ARFGEF2: variants seen among roughly 807,000 people sequenced by gnomAD.
The protein encoded by ARFGEF2 is ARF guanine nucleotide exchange factor 2, also known as brefeldin A-inhibited guanine nucleotide-exchange protein 2.
ARFGEF2 carries 74 observed loss-of-function variants against 219.9 expected under a neutral mutation model. The ratio of observed to expected loss-of-function variants is 0.34; its 90% confidence interval spans 0.28 to 0.41. The LOEUF is 0.41. Ranked by LOEUF, ARFGEF2 falls within the 10% of genes least tolerant of loss-of-function variation. The pLI, the probability that ARFGEF2 is intolerant of heterozygous loss-of-function variation, is 1.00. For synonymous variants in ARFGEF2, 733 were observed against 799.2 expected, an observed-to-expected ratio of 0.92 and a Z score of 1.40; for missense variants, 1,743 against 2,218.3, an observed-to-expected ratio of 0.79 and a Z score of 4.30.
intron 6 of ARFGEF2, among the ~76,000 whole-genome samples, chr20:48,959,122 G>A (rs905516639): frequency 6.6e-6 from 1 of 152,176 alleles, no homozygotes; most frequent in Non-Finnish European, 1.5e-5. Context: ...CATATGTACA[G>A]GCAGAGGTAC....
At chr20:48,969,113 A>T (rs773244590) in intron 8 of ARFGEF2, 34 bp from the exon 9 acceptor site, 58 of 1,606,080 alleles carry the variant, frequency 3.6e-5, no homozygotes, top group Non-Finnish European at 4.9e-5. Context: ...GGTGGGTGCC[A>T]CCACACCCAG....
chr20:48,993,320 T>C (rs1005452043), intron 21 of ARFGEF2, among the ~76,000 whole-genome samples: 3 of 152,210 alleles, frequency 2.0e-5, no homozygotes, highest in Non-Finnish European at 2.9e-5. Context: ...CCTTTCAGTA[T>C]TGGTGACGTA....
intron 26 of ARFGEF2, among the ~76,000 whole-genome samples, chr20:49,007,765 A>G (rs567952118): frequency 6.6e-6 from 1 of 152,180 alleles, no homozygotes; most frequent in East Asian, 1.9e-4. Flanking sequence ...ACCAAAATTA[A>G]ACCCAGAGTC....
chr20:48,953,471 C>T lies in ARFGEF2; in HGVS notation c.604-85C>T, dbSNP rs948796622. Reference sequence around the variant, plus strand: ...AATTATAGGCGTTAACCACCGCGCCCAGCCCAGGAAATTTTTTAAGTAATA... The same window carrying T: ...AATTATAGGCGTTAACCACCGCGCCTAGCCCAGGAAATTTTTTAAGTAATA... On this transcript the variant is annotated intron_variant, in intron 5 of 38. Transcript: ENST00000371917. 15 of 1,315,642 alleles carry T rather than the reference C, an allele frequency of 1.1e-5. No homozygotes were observed. The African/African-American group carries it at 1.7e-4, about 15-fold the overall frequency. 81.5% of individuals were successfully genotyped at this position (1,315,642 alleles called of 1,614,324 possible).
Position 49,035,863 on chromosome 20 carries a change from C to T in ARFGEF2, c.*2664C>T. On this transcript the variant is annotated 3_prime_UTR_variant, in exon 39 of 39. Coordinates refer to ENST00000371917, the MANE Select transcript of ARFGEF2 (RefSeq NM_006420.3). ...ATGGGTAATTTTTATTTCTGATACG[C>T]ATCTTTAGAGTCAAATATATCTTTT... The T allele has an allele frequency of 3.7e-6, 1 of 270,534 alleles. No individual in the cohort carries two copies. The highest frequency in any genetic ancestry group is 6.8e-6 in the Non-Finnish European group (1 of 146,216). 16.8% of individuals were successfully genotyped at this position (270,534 alleles called of 1,614,324 possible). A position where few individuals can be genotyped will look rare whatever the true frequency, so the allele number is the denominator to read the frequency against.
chr20:49,021,699 A>G (rs1014630711), intron 34 of ARFGEF2, among the ~76,000 whole-genome samples: 13 of 151,272 alleles, frequency 8.6e-5, no homozygotes, highest in African/African-American at 2.9e-4. Flanking sequence ...TACAAAAAAA[A>G]TTAGCCGGGC....
intron 3 of ARFGEF2, 57 bp downstream of exon 3, chr20:48,942,044 C>T: frequency 2.5e-6 from 4 of 1,609,662 alleles, no homozygotes; most frequent in Admixed American, 1.7e-5. Flanking sequence ...ACAGTTGGTC[C>T]TTACACAGAA....
chr20:48,935,823 G>A (rs1244606375), intron 1 of ARFGEF2, among the ~76,000 whole-genome samples: 1 of 138,744 alleles, frequency 7.2e-6, no homozygotes, highest in Admixed American at 7.0e-5. Flanking sequence ...GCGGGGGGCT[G>A]ACCCCCCAAC....
intron 21 of ARFGEF2, 83 bp from the exon 22 acceptor site, chr20:48,994,368 T>A: frequency 6.3e-7 from 1 of 1,579,906 alleles, no homozygotes; most frequent in Non-Finnish European, 8.6e-7. Flanking sequence ...ACCAACTTTT[T>A]TTTAATGACT....
rs978883658 is a variant in ARFGEF2, at chr20:48,972,323, T to C, written c.1426-3T>C. ...TGTCCTCCTTTGTCTTTATGTCATATAGGTCTTTTTCAAAGAGATTTTCCT... is the reference window on the plus strand; with the variant it reads ...TGTCCTCCTTTGTCTTTATGTCATACAGGTCTTTTTCAAAGAGATTTTCCT... On this transcript the variant is annotated splice_polypyrimidine_tract_variant and splice_region_variant and intron_variant, in intron 10 of 38. Transcript: ENST00000371917. 2.5e-6 allele frequency: 4 copies of C among 1,603,664 alleles called. No homozygotes were observed. The highest frequency in any genetic ancestry group is 1.1e-5 in the South Asian group (1 of 90,888).
intron 36 of ARFGEF2, among the ~76,000 whole-genome samples, chr20:49,025,899 T>G (rs934994785): frequency 2.3e-4 from 35 of 151,848 alleles, no homozygotes; most frequent in Admixed American, 2.0e-3. Flanking sequence ...GGAGAATCGC[T>G]TGTACCCGGA....
chr20:48,937,432 T>TC (rs1271457382), intron 1 of ARFGEF2, among the ~76,000 whole-genome samples: 7 of 152,148 alleles, frequency 4.6e-5, no homozygotes, highest in Admixed American at 3.3e-4. Flanking sequence ...TTAGATGGAC[T>TC]CCAAGTCTTT....
intron 33 of ARFGEF2, among the ~76,000 whole-genome samples, chr20:49,018,551 A>T (rs1208230164): frequency 1.3e-5 from 2 of 152,180 alleles, no homozygotes; most frequent in Non-Finnish European, 2.9e-5. Context: ...TCAACTTTTT[A>T]AAAAACTAGT....
chr20:49,025,279 C>T, intron 35 of ARFGEF2, 34 bp from the exon 36 acceptor site: 1 of 1,588,998 alleles, frequency 6.3e-7, no homozygotes, highest in Non-Finnish European at 8.6e-7. Flanking sequence ...CCATCTTCTT[C>T]ATTAGCTCTT....
At chr20:48,938,184 A>T (rs2090971620) in intron 1 of ARFGEF2, among the ~76,000 whole-genome samples, 1 of 152,168 alleles carries the variant, frequency 6.6e-6, no homozygotes. Context: ...CTTGAACTTC[A>T]GTCCTCTGGC....
At chr20:48,999,262 T>C (rs745308536) in intron 25 of ARFGEF2, 15 of 453,114 alleles carry the variant, frequency 3.3e-5, no homozygotes, top group Non-Finnish European at 6.6e-5. Flanking sequence ...ATAATTGTTT[T>C]TAAATCAGTA....
chr20:49,015,451 A>G (rs749273884), intron 30 of ARFGEF2, among the ~76,000 whole-genome samples: 1 of 152,192 alleles, frequency 6.6e-6, no homozygotes, highest in Non-Finnish European at 1.5e-5. Context: ...GCTACAAAAT[A>G]GTCTTAGTTG....
chr20:48,975,946 C>T (rs1224770211), intron 13 of ARFGEF2, 70 bp from the exon 14 acceptor site: 2 of 1,513,508 alleles, frequency 1.3e-6, no homozygotes, highest in East Asian at 2.3e-5. Flanking sequence ...AGCCGTGCAG[C>T]CAGACCTAGC....
chr20:48,953,462 C>T, intron 5 of ARFGEF2, 94 bp from the exon 6 acceptor site: 1 of 1,183,796 alleles, frequency 8.4e-7, no homozygotes, highest in Admixed American at 1.7e-5. Context: ...AGGCGTTAAC[C>T]ACCGCGCCCA....
Sources: gnomAD v4.1 joint callset for allele counts (sites outside exome capture counted in the v4.1 genomes callset) on GRCh38, gnomAD v4.1.1 for gene constraint, MANE v1.5 for transcripts, NCBI Gene and HGNC (gene_info 2026-07-23, HGNC 2026-07-21) for gene names.